The following SLC41A3 variants were observed in gnomAD, a reference collection of about 807,000 sequenced individuals.
SLC41A3 encodes SLC41A1-like 2.
In SLC41A3, 44 loss-of-function variants were observed where a neutral mutation model predicts 45.4. That is an observed-to-expected ratio of 0.97 (90% CI 0.76 to 1.25). SLC41A3 has a LOEUF of 1.25. SLC41A3 is among the 50% of genes most tolerant of loss of function. The pLI is 0.00. For synonymous variants in SLC41A3, 256 were observed against 252.4 expected, an observed-to-expected ratio of 1.01 and a Z score of -0.13; for missense variants, 550 against 600.6, an observed-to-expected ratio of 0.92 and a Z score of 0.88.
rs79696429 is a variant in SLC41A3 at position 126,007,219 on chromosome 3, T to A, written c.1261A>T (p.Ile421Phe). 6.2e-7 allele frequency: 1 copy of A among 1,613,558 alleles called. No homozygotes were observed. Among genetic ancestry groups the A allele is most frequent in the Admixed American group, 1.7e-5 (1 of 59,970 alleles). The change falls in exon 11 of 11, where the codon ATC becomes TTC. Residue 421 changes from isoleucine (I) to phenylalanine (F), a missense_variant. Ile to Phe is a conservative substitution (Grantham distance 21). Coordinates refer to ENST00000360370, the MANE Select transcript of SLC41A3 (RefSeq NM_017836.4). ...YLLAGLIQVT[I>F]LLYLAEVMVR... ...ATCACTTCTGCGAGGTACAGCAGGA[T>A]TGTCACCTGTCAGAAGGGCAAAGAG...
chr3:126,008,702 C>T (rs770258530), intron 10 of SLC41A3, 30 bp downstream of exon 10: 175 of 1,610,788 alleles, frequency 1.1e-4, no homozygotes, highest in African/African-American at 2.9e-4. Flanking sequence ...TACACAGCTG[C>T]GCACCTCTAA....
chr3:126,080,883 G>A (rs1945115487), intron 1 of SLC41A3, among the ~76,000 whole-genome samples: 1 of 152,094 alleles, frequency 6.6e-6, no homozygotes, highest in Admixed American at 6.5e-5. Context: ...CCCAGGAGGT[G>A]GAGGTTGTGG....
intron 3 of SLC41A3, among the ~76,000 whole-genome samples, chr3:126,040,207 T>C (rs143153296): frequency 6.6e-6 from 1 of 152,360 alleles, no homozygotes; most frequent in East Asian, 1.9e-4. Context: ...CATCTATACA[T>C]GTCATAAATA....
chr3:126,012,246 T>C (rs1471640992), intron 9 of SLC41A3, among the ~76,000 whole-genome samples: 1 of 152,186 alleles, frequency 6.6e-6, no homozygotes, highest in Non-Finnish European at 1.5e-5. Context: ...CCAAGTGTAT[T>C]TCCTCTAATT....
intron 1 of SLC41A3, among the ~76,000 whole-genome samples, chr3:126,093,849 G>A (rs1945541676): frequency 6.6e-6 from 1 of 152,206 alleles, no homozygotes. Context: ...CATCCTACAT[G>A]TGAAATAACT....
chr3:126,008,781 A>G lies in SLC41A3; in HGVS notation c.1205T>C (p.Ile402Thr), dbSNP rs1322639714. ...GAGCACCACAAAGGTCTGGCTGTTT[A>G]TGACTGACTGACCCTCCACCAGGTA... is the stretch of plus-strand genomic sequence containing the variant. ...IIYLVEGQSV[I>T]NSQTFVVLYL... is the part of the protein sequence containing the mutation. The change falls in exon 10 of 11, where the codon ATA (isoleucine) becomes ACA (threonine). Residue 402 changes from isoleucine (I) to threonine (T), a missense_variant. Coordinates refer to ENST00000360370, the MANE Select transcript of SLC41A3 (RefSeq NM_017836.4). The G allele has an allele frequency of 1.9e-6, 3 of 1,614,038 alleles. No homozygotes were observed. The African/African-American group carries it at 4.0e-5, about 22-fold the overall frequency.
chr3:126,054,982 T>A (rs1282004123), intron 2 of SLC41A3, among the ~76,000 whole-genome samples: 1 of 151,854 alleles, frequency 6.6e-6, no homozygotes, highest in African/African-American at 2.4e-5. Context: ...CAAAAGGGGA[T>A]GAGCGTCCCA....
At chr3:126,012,856 G>C (rs1050150377) in intron 8 of SLC41A3, 107 bp from the exon 9 acceptor site, 3 of 1,494,068 alleles carry the variant, frequency 2.0e-6, no homozygotes, top group Non-Finnish European at 2.7e-6. Context: ...GGTTAATTCA[G>C]TATTTCATTA....
chr3:126,044,945 A>G (rs1172149847), intron 3 of SLC41A3, among the ~76,000 whole-genome samples: 1 of 150,432 alleles, frequency 6.6e-6, no homozygotes, highest in Non-Finnish European at 1.5e-5. Flanking sequence ...TATATTTTCC[A>G]ATCACAAGGG....
At chr3:126,042,909 A>G (rs1239231542) in intron 3 of SLC41A3, among the ~76,000 whole-genome samples, 2 of 152,084 alleles carry the variant, frequency 1.3e-5, no homozygotes, top group African/African-American at 4.8e-5. Flanking sequence ...GGAATTACAG[A>G]ACACTCAATT....
intron 6 of SLC41A3, among the ~76,000 whole-genome samples, chr3:126,020,260 T>G (rs1039154134): frequency 6.6e-6 from 1 of 152,006 alleles, no homozygotes; most frequent in Non-Finnish European, 1.5e-5. Flanking sequence ...CCTGGGCCTG[T>G]CCCCTGAAAC....
At chr3:126,038,926 C>T (rs574524801) in intron 3 of SLC41A3, among the ~76,000 whole-genome samples, 1 of 152,188 alleles carries the variant, frequency 6.6e-6, no homozygotes, top group East Asian at 1.9e-4. Context: ...TGGCTGGGTG[C>T]CCTCCTCATG....
chr3:126,012,769 CTG>C lies in SLC41A3; in HGVS notation c.971-22_971-21del. ...CAACACCTACGAGGAGAAAAGGAAT[CTG>C]TTTTCCCTTTCTTTACGCCAGTCTC... is the stretch of plus-strand genomic sequence containing the variant. On this transcript the variant is annotated intron_variant, in intron 8 of 10. Transcript: ENST00000360370. The C allele has an allele frequency of 6.2e-7, 1 of 1,613,664 alleles. No homozygotes were observed. Among genetic ancestry groups the C allele is most frequent in the Non-Finnish European group, 8.5e-7 (1 of 1,179,658 alleles).
chr3:126,062,023 C>G (rs572605661), intron 2 of SLC41A3, among the ~76,000 whole-genome samples: 1 of 152,188 alleles, frequency 6.6e-6, no homozygotes, highest in Non-Finnish European at 1.5e-5. Flanking sequence ...CAGACCCTCC[C>G]CTGCTCACCA....
At chr3:126,067,580 T>C (rs1305594140) in intron 2 of SLC41A3, 1 of 459,732 alleles carries the variant, frequency 2.2e-6, no homozygotes, top group East Asian at 6.9e-5. Flanking sequence ...ACTTCCAGCC[T>C]CTAGAACTGT....
chr3:126,006,830 CTA>C lies in SLC41A3; in HGVS notation c.*184_*185del. 6.9e-7 allele frequency: 1 copy of C among 1,453,206 alleles called. No homozygotes were observed. Among genetic ancestry groups the C allele is most frequent in the Non-Finnish European group, 9.0e-7 (1 of 1,109,406 alleles). 90.0% of individuals were successfully genotyped at this position (1,453,206 alleles called of 1,614,324 possible). ...AAGCCATGCTCTTGATTTCAGGGCT[CTA>C]TTGCAGGCTCAGGTATCAACCCCAG... On this transcript the variant is annotated 3_prime_UTR_variant, in exon 11 of 11. Transcript: ENST00000360370.
At chr3:126,042,818 T>C (rs937294399) in intron 3 of SLC41A3, among the ~76,000 whole-genome samples, 24 of 152,004 alleles carry the variant, frequency 1.6e-4, no homozygotes, top group African/African-American at 5.8e-4. Flanking sequence ...AATGAGCAAA[T>C]TTGAAAACAG....
At chr3:126,015,258 G>C (rs896895982) in intron 8 of SLC41A3, among the ~76,000 whole-genome samples, 5 of 152,242 alleles carry the variant, frequency 3.3e-5, no homozygotes, top group African/African-American at 1.2e-4. Flanking sequence ...AGGGCTGCCT[G>C]TGAGGAGCCG....
At chr3:126,092,105 A>T (rs537198855) in intron 1 of SLC41A3, among the ~76,000 whole-genome samples, 2 of 152,360 alleles carry the variant, frequency 1.3e-5, no homozygotes, top group South Asian at 4.1e-4. Flanking sequence ...TGCTGGGAAC[A>T]GGCCCCCCAA....
Sources: gnomAD v4.1 joint callset for allele counts (sites outside exome capture counted in the v4.1 genomes callset) on GRCh38, gnomAD v4.1.1 for gene constraint, MANE v1.5 for transcripts, NCBI Gene and HGNC (gene_info 2026-07-23, HGNC 2026-07-21) for gene names.